Variants in ARHGAP26 observed in about 807,000 individuals in gnomAD.
ARHGAP26 encodes Rho GTPase activating protein 26, also known as rho GTPase-activating protein 26.
A neutral mutation model predicts 104.8 loss-of-function variants in ARHGAP26; 38 were observed. The observed-to-expected ratio is 0.36, with a 90% CI of 0.28 to 0.48. ARHGAP26 has a LOEUF of 0.48. ARHGAP26 is among the 20% of genes least tolerant of loss of function. The pLI is 0.99. For synonymous variants in ARHGAP26, 341 were observed against 340.0 expected, an observed-to-expected ratio of 1.00 and a Z score of -0.03; for missense variants, 704 against 947.9, an observed-to-expected ratio of 0.74 and a Z score of 3.38.
At chr5:142,957,498 G>A (rs2152643140) in intron 11 of ARHGAP26, among the ~76,000 whole-genome samples, 1 of 152,264 alleles carries the variant, frequency 6.6e-6, no homozygotes, top group South Asian at 2.1e-4. Context: ...TTCACTTTGT[G>A]GCTCGTCTTT....
chr5:142,986,073 A>G (rs1264652678), intron 11 of ARHGAP26, among the ~76,000 whole-genome samples: 3 of 152,184 alleles, frequency 2.0e-5, no homozygotes, highest in Admixed American at 1.3e-4. Context: ...ATCCTTGAGG[A>G]ATTGCCACAC....
chr5:143,023,087 C>T (rs981435482), intron 12 of ARHGAP26, among the ~76,000 whole-genome samples: 10 of 152,220 alleles, frequency 6.6e-5, no homozygotes, highest in South Asian at 2.1e-4. Context: ...CTGGCTTCCC[C>T]AGGGTCAGAC....
rs1021564271 is a variant in ARHGAP26, at chr5:143,107,330, C to G, written c.1539-13658C>G. Among the ~76,000 whole-genome samples, 3 of 152,134 alleles carry G rather than the reference C, an allele frequency of 2.0e-5. No homozygotes were observed. In the South Asian group the frequency reaches 6.2e-4, roughly 32 times the overall value. On this transcript the variant is annotated intron_variant, in intron 17 of 22. Transcript: ENST00000645722. ...TAGATTTGCTCAAGGATCTGGTATT[C>G]ATTAAGTGGTTTCATCTCTGTAGAT...
chr5:142,799,552 C>T (rs774954359), intron 1 of ARHGAP26, among the ~76,000 whole-genome samples: 5 of 152,146 alleles, frequency 3.3e-5, no homozygotes, highest in Non-Finnish European at 7.3e-5. Flanking sequence ...TACCTTAGTT[C>T]GTTTTGTGCT....
rs75966927 is a variant in ARHGAP26, at chr5:143,189,435, C to T, written c.1989-17763C>T. On this transcript the variant is annotated intron_variant, in intron 20 of 22. Transcript: ENST00000645722. ...CCAAATTACACCCACACACCCTCCC[C>T]ACCCAGGCACCTGCTTTCACACTGC... Among the ~76,000 whole-genome samples the T allele has an allele frequency of 3.4e-3, 516 of 152,340 alleles. 2 individuals carry two copies. Among genetic ancestry groups the T allele is most frequent in the African/African-American group, 0.012 (501 of 41,572 alleles).
chr5:142,831,612 C>G (rs1768446974), intron 1 of ARHGAP26, among the ~76,000 whole-genome samples: 1 of 151,996 alleles, frequency 6.6e-6, no homozygotes, highest in African/African-American at 2.4e-5. Context: ...GCCACCCTCC[C>G]CTCCCTTCTC....
At chr5:143,121,380 G>A (rs1796117964) in intron 18 of ARHGAP26, among the ~76,000 whole-genome samples, 1 of 152,094 alleles carries the variant, frequency 6.6e-6, no homozygotes, top group Non-Finnish European at 1.5e-5. Flanking sequence ...TGGCAGTGGT[G>A]GGTAAAATTG....
intron 1 of ARHGAP26, among the ~76,000 whole-genome samples, chr5:142,832,912 A>G (rs1158504547): frequency 6.6e-6 from 1 of 152,162 alleles, no homozygotes; most frequent in Non-Finnish European, 1.5e-5. Context: ...GTTTTTTTCT[A>G]GTTTTTTACT....
chr5:143,002,940 G>A (rs1777395918), intron 11 of ARHGAP26, among the ~76,000 whole-genome samples: 1 of 152,142 alleles, frequency 6.6e-6, no homozygotes, highest in Non-Finnish European at 1.5e-5. Context: ...AAGAAATTTG[G>A]CAGATCCTAC....
At chr5:143,022,264 G>T (rs539964356) in intron 12 of ARHGAP26, among the ~76,000 whole-genome samples, 2 of 152,088 alleles carry the variant, frequency 1.3e-5, no homozygotes, top group East Asian at 3.9e-4. Flanking sequence ...GTAGAGATGG[G>T]GTTTCACCAT....
At chr5:143,193,240 CTTTTTTTTT>C (rs57462040) in intron 20 of ARHGAP26, among the ~76,000 whole-genome samples, 1 of 74,622 alleles carries the variant, frequency 1.3e-5, no homozygotes, top group African/African-American at 5.9e-5. Context: ...ATTTTCTTTT[CTTTTTTTTT>C]TTTTTTTTTT....
chr5:142,885,999 A>C (rs547368699), intron 5 of ARHGAP26, among the ~76,000 whole-genome samples: 7 of 152,200 alleles, frequency 4.6e-5, no homozygotes, highest in Non-Finnish European at 1.0e-4. Context: ...TTTAAAAAGT[A>C]GTTCACTTGG....
chr5:143,227,742 G>A lies in ARHGAP26; in HGVS notation c.*5296G>A, dbSNP rs1210992903. ...CCAGTGGAAGCACCTGTATTATTGAGAGGAAAAAGTGTTGGATGCAAAGTA... is the reference window on the plus strand; with the variant it reads ...CCAGTGGAAGCACCTGTATTATTGAAAGGAAAAAGTGTTGGATGCAAAGTA... On this transcript the variant is annotated 3_prime_UTR_variant, in exon 23 of 23. Transcript: ENST00000645722. 1 of 226,772 alleles carries A rather than the reference G, an allele frequency of 4.4e-6. No individual in the cohort carries two copies. The highest frequency in any genetic ancestry group is 8.8e-6 in the Non-Finnish European group (1 of 114,238). 14.0% of individuals were successfully genotyped at this position (226,772 alleles called of 1,614,324 possible).
intron 20 of ARHGAP26, among the ~76,000 whole-genome samples, chr5:143,197,755 G>C (rs73796989): frequency 0.027 from 4,067 of 152,158 alleles, 182 homozygotes; most frequent in African/African-American, 0.091. Context: ...AATCTTTATT[G>C]TTTGCCTTTG....
rs545540363 is a variant in ARHGAP26 at position 142,810,530 on chromosome 5, T to A, written c.154+39615T>A. Among the ~76,000 whole-genome samples, 3 of 152,312 alleles carry A rather than the reference T, an allele frequency of 2.0e-5. No homozygotes were observed. In the South Asian group the frequency reaches 6.2e-4, roughly 32 times the overall value. On this transcript the variant is annotated intron_variant, in intron 1 of 22. Transcript: ENST00000645722. Reference sequence around the variant, plus strand: ...TGTGTGTAGTCATTTATTAAGGGATTTTGATAGAAAATTTAAAACTTAATC... The same window carrying A: ...TGTGTGTAGTCATTTATTAAGGGATATTGATAGAAAATTTAAAACTTAATC...
intron 12 of ARHGAP26, among the ~76,000 whole-genome samples, chr5:143,027,817 T>C (rs1781281168): frequency 7.9e-5 from 12 of 152,214 alleles, no homozygotes; most frequent in Admixed American, 7.9e-4. Flanking sequence ...TTGGTGGTAA[T>C]AATCTTAATT....
intron 20 of ARHGAP26, among the ~76,000 whole-genome samples, chr5:143,188,410 A>AT (rs1185460600): frequency 1.3e-5 from 2 of 152,178 alleles, no homozygotes; most frequent in Non-Finnish European, 2.9e-5. Context: ...AGGACTTGCC[A>AT]TTTTGTAAAG....
chr5:142,925,191 C>G (rs534380666), intron 10 of ARHGAP26, among the ~76,000 whole-genome samples: 2 of 152,274 alleles, frequency 1.3e-5, no homozygotes, highest in South Asian at 4.1e-4. Flanking sequence ...GCTCTCTGTT[C>G]TGCCGCAGTC....
intron 11 of ARHGAP26, among the ~76,000 whole-genome samples, chr5:142,949,063 G>A (rs939034724): frequency 2.0e-5 from 3 of 151,086 alleles, no homozygotes; most frequent in African/African-American, 7.3e-5. Flanking sequence ...CAAGACTGCA[G>A]CACTTCACTC....
Sources: gnomAD v4.1 joint callset for allele counts (sites outside exome capture counted in the v4.1 genomes callset) on GRCh38, gnomAD v4.1.1 for gene constraint, MANE v1.5 for transcripts, NCBI Gene and HGNC (gene_info 2026-07-23, HGNC 2026-07-21) for gene names.